The following CPED1 variants were observed in gnomAD, a reference collection of about 807,000 sequenced individuals.
CPED1 encodes cadherin like and PC-esterase domain containing 1.
In CPED1, 114 loss-of-function variants were observed where a neutral mutation model predicts 128.2. The observed-to-expected ratio is 0.89, with a 90% CI of 0.76 to 1.04. CPED1 has a LOEUF of 1.04. Ranked by LOEUF, CPED1 falls within the 50% of genes least tolerant of loss-of-function variation. CPED1 has a pLI of 0.00. For missense variants in CPED1, 1,211 were observed against 1,207.1 expected (o/e 1.00, Z -0.05); for synonymous variants, 462 against 426.7 (o/e 1.08, Z -1.02).
intron 5 of CPED1, among the ~76,000 whole-genome samples, chr7:121,086,990 G>C (rs1027004740): frequency 6.6e-5 from 10 of 152,220 alleles, no homozygotes; most frequent in African/African-American, 2.4e-4. Context: ...ATGAGGGCTT[G>C]AGCCAGGCAT....
chr7:121,196,307 A>G (rs1269594157), intron 16 of CPED1, among the ~76,000 whole-genome samples: 2 of 152,014 alleles, frequency 1.3e-5, no homozygotes, highest in South Asian at 2.1e-4. Flanking sequence ...TGTGGGCCCT[A>G]TGAGAAAGCT....
chr7:121,097,687 G>T lies in CPED1; in HGVS notation c.617-12G>T. The T allele has an allele frequency of 6.2e-7, 1 of 1,613,052 alleles. No individual in the cohort carries two copies. Among genetic ancestry groups the T allele is most frequent in the Non-Finnish European group, 8.5e-7 (1 of 1,179,472 alleles). On this transcript the variant is annotated splice_polypyrimidine_tract_variant and intron_variant, in intron 5 of 22. Transcript: ENST00000310396. ...TAAAATGACTGTCTTCTGCTCTCTT[G>T]AATCTTTTCAGAACTGCAACTTCCA...
At chr7:121,053,505 T>C (rs900722007) in intron 4 of CPED1, among the ~76,000 whole-genome samples, 3 of 152,218 alleles carry the variant, frequency 2.0e-5, no homozygotes, top group Non-Finnish European at 4.4e-5. Context: ...TGTCTCTTGT[T>C]ACTGGTGATG....
At chr7:121,063,447 T>C (rs1204351033) in intron 4 of CPED1, among the ~76,000 whole-genome samples, 3 of 140,212 alleles carry the variant, frequency 2.1e-5, no homozygotes. Flanking sequence ...CTACCACCCC[T>C]GTTTCCAGTT....
chr7:121,218,151 A>ATTTTTTTTTTTTT (rs34168785), intron 16 of CPED1, among the ~76,000 whole-genome samples: 1 of 141,732 alleles, frequency 7.1e-6, no homozygotes, highest in Non-Finnish European at 1.5e-5. Flanking sequence ...TGCCTGGCTA[A>ATTTTTTTTTTTTT]TTTTTTTTTT....
At chr7:121,064,748 A>AGGACACT (rs1793782317) in intron 5 of CPED1, among the ~76,000 whole-genome samples, 1 of 152,208 alleles carries the variant, frequency 6.6e-6, no homozygotes, top group Non-Finnish European at 1.5e-5. Context: ...TGTTAAATAC[A>AGGACACT]GGACACTGAA....
At chr7:121,281,453 G>A (rs1487666372) in intron 22 of CPED1, among the ~76,000 whole-genome samples, 1 of 152,114 alleles carries the variant, frequency 6.6e-6, no homozygotes, top group Non-Finnish European at 1.5e-5. Flanking sequence ...GTTGAATTGT[G>A]ACCATTTGTA....
At chr7:121,287,435 A>G (rs1434112374) in intron 22 of CPED1, among the ~76,000 whole-genome samples, 1 of 152,180 alleles carries the variant, frequency 6.6e-6, no homozygotes, top group Non-Finnish European at 1.5e-5. Flanking sequence ...TTTCCAAAGG[A>G]ACAACTGAGA....
rs186583574 is a variant in CPED1, at chr7:121,123,204, A to T, written c.919-1127A>T. Among the ~76,000 whole-genome samples the T allele has an allele frequency of 7.9e-5, 12 of 152,258 alleles. No homozygotes were observed. In the East Asian group the frequency reaches 2.3e-3, roughly 29 times the overall value. On this transcript the variant is annotated intron_variant, in intron 7 of 22. Coordinates refer to ENST00000310396, the MANE Select transcript of CPED1 (RefSeq NM_024913.5). Reference sequence around the variant, plus strand: ...CTAATGACGCATTCTTAGGGTCTCTATGTGTAATCTTATTAGGTTTCTGTT... The same window carrying T: ...CTAATGACGCATTCTTAGGGTCTCTTTGTGTAATCTTATTAGGTTTCTGTT...
intron 18 of CPED1, among the ~76,000 whole-genome samples, chr7:121,264,570 A>C (rs1478407291): frequency 6.6e-6 from 1 of 152,078 alleles, no homozygotes; most frequent in Non-Finnish European, 1.5e-5. Context: ...GAAGCTTTCT[A>C]GATTTCTTCA....
chr7:121,066,604 G>A (rs1005313875), intron 5 of CPED1, among the ~76,000 whole-genome samples: 2 of 44,304 alleles, frequency 4.5e-5, no homozygotes, highest in African/African-American at 7.9e-5. Context: ...CAAAAACTGT[G>A]AAGATCTTAC....
At chr7:121,157,875 C>T (rs1226037615) in intron 16 of CPED1, among the ~76,000 whole-genome samples, 2 of 152,102 alleles carry the variant, frequency 1.3e-5, no homozygotes, top group African/African-American at 2.4e-5. Context: ...ATTTACCCTC[C>T]CTGGCTGAAA....
intron 21 of CPED1, among the ~76,000 whole-genome samples, chr7:121,269,726 A>G (rs375582125): frequency 6.6e-6 from 1 of 151,952 alleles, no homozygotes; most frequent in Non-Finnish European, 1.5e-5. Context: ...TGGTTTTGAT[A>G]TGCATTTCTC....
chr7:121,183,454 A>G (rs1302056107), intron 16 of CPED1, among the ~76,000 whole-genome samples: 1 of 152,154 alleles, frequency 6.6e-6, no homozygotes, highest in Admixed American at 6.6e-5. Flanking sequence ...AGGACAGTAT[A>G]TGCTCTCAGA....
intron 16 of CPED1, chr7:121,149,585 A>G (rs1365983856): frequency 4.6e-5 from 7 of 152,208 alleles, no homozygotes. Context: ...AGCAGAGCCA[A>G]CACAATGTGC....
chr7:121,284,799 C>A (rs182092545), intron 22 of CPED1, among the ~76,000 whole-genome samples: 9 of 152,234 alleles, frequency 5.9e-5, no homozygotes. Context: ...CTCCCAGCTG[C>A]TTTTACAGGA....
chr7:121,256,129 C>CAA (rs201393067), intron 18 of CPED1, among the ~76,000 whole-genome samples: 3,334 of 101,236 alleles, frequency 0.033, 125 homozygotes, highest in South Asian at 0.043. Flanking sequence ...AAAAACAAAA[C>CAA]AAAAAAAAAA....
At chr7:121,081,204 T>C (rs1468084983) in intron 5 of CPED1, among the ~76,000 whole-genome samples, 5 of 152,182 alleles carry the variant, frequency 3.3e-5, no homozygotes, top group Admixed American at 2.0e-4. Flanking sequence ...AAAAATATAT[T>C]GATAAAGACT....
intron 5 of CPED1, among the ~76,000 whole-genome samples, chr7:121,092,067 T>A (rs1794584096): frequency 6.6e-6 from 1 of 152,144 alleles, no homozygotes; most frequent in Non-Finnish European, 1.5e-5. Context: ...TTCTCTCCTA[T>A]GCTTTCCCAT....
Sources: allele counts gnomAD v4.1 joint callset (sites outside exome capture counted in the v4.1 genomes callset), GRCh38; gene constraint gnomAD v4.1.1; transcripts MANE v1.5; gene names NCBI Gene and HGNC (gene_info 2026-07-23, HGNC 2026-07-21).